Variants in ANXA4 observed in about 807,000 individuals in gnomAD.
ANXA4 encodes 35-beta calcimedin.
ANXA4 carries 39 observed loss-of-function variants against 49.8 expected under a neutral mutation model. That is an observed-to-expected ratio of 0.78 (90% confidence interval 0.61 to 1.02). ANXA4 has a LOEUF of 1.02. Among genes scored for constraint, ANXA4 ranks in the 50% least tolerant of loss-of-function variants. The pLI is 0.00. For missense variants in ANXA4, 360 were observed against 410.1 expected, an observed-to-expected ratio of 0.88 and a Z score of 1.05; for synonymous variants, 134 against 152.5, an observed-to-expected ratio of 0.88 and a Z score of 0.89.
chr2:69,678,770 C>T lies in ANXA4; in HGVS notation n.766+25488C>T, dbSNP rs750603331. On this transcript the variant is annotated intron_variant and non_coding_transcript_variant, in intron 2 of 3. Transcript: ENST00000418066. ...TAAGAATAATAAGACCTAATATTCA[C>T]GAGGCATTTATTTGTTAACCAAGTA... Among the ~76,000 whole-genome samples the T allele has an allele frequency of 3.9e-4, 60 of 152,062 alleles. 1 individual carries two copies. Among genetic ancestry groups the T allele is most frequent in the African/African-American group, 1.4e-3 (56 of 41,404 alleles).
intron 2 of ANXA4, among the ~76,000 whole-genome samples, chr2:69,710,411 C>A (rs1334442531): frequency 6.6e-6 from 1 of 152,044 alleles, no homozygotes; most frequent in Non-Finnish European, 1.5e-5. Context: ...TAAAATATCA[C>A]CTTGAATCAT....
At chr2:69,655,935 A>G (rs573396115) in intron 2 of ANXA4, among the ~76,000 whole-genome samples, 1 of 152,222 alleles carries the variant, frequency 6.6e-6, no homozygotes, top group Non-Finnish European at 1.5e-5. Flanking sequence ...ACAGAAAACC[A>G]AACACCACAT....
chr2:69,718,883 T>C (rs1396373669), intron 2 of ANXA4, among the ~76,000 whole-genome samples: 1 of 151,090 alleles, frequency 6.6e-6, no homozygotes. Context: ...CGCACATGCA[T>C]ACACACACAT....
At chr2:69,810,187 T>G (rs1168770469) in intron 6 of ANXA4, 2 of 179,552 alleles carry the variant, frequency 1.1e-5, no homozygotes, top group African/African-American at 4.7e-5. Context: ...GACAGAACCC[T>G]GTCTGTACTA....
chr2:69,676,616 C>T (rs570618226), intron 2 of ANXA4, among the ~76,000 whole-genome samples: 1 of 152,238 alleles, frequency 6.6e-6, no homozygotes, highest in South Asian at 2.1e-4. Flanking sequence ...CATCTCTGGC[C>T]GGGCACAGTG....
At chr2:69,798,829 A>T (rs906618461) in intron 3 of ANXA4, among the ~76,000 whole-genome samples, 1 of 152,216 alleles carries the variant, frequency 6.6e-6, no homozygotes, top group African/African-American at 2.4e-5. Context: ...CGAGCCCTCA[A>T]AATGAAGCAG....
intron 3 of ANXA4, among the ~76,000 whole-genome samples, chr2:69,799,556 G>T (rs957389547): frequency 3.3e-5 from 5 of 152,136 alleles, no homozygotes; most frequent in Non-Finnish European, 7.3e-5. Context: ...TTCTGCTGGG[G>T]ACTCACTTTA....
intron 1 of ANXA4, among the ~76,000 whole-genome samples, chr2:69,778,310 A>G (rs1672043793): frequency 6.6e-6 from 1 of 152,370 alleles, no homozygotes; most frequent in Non-Finnish European, 1.5e-5. Context: ...AGTTAAAAAT[A>G]TATTTTAAAA....
intron 1 of ANXA4, among the ~76,000 whole-genome samples, chr2:69,759,756 A>T (rs963807368): frequency 5.3e-5 from 8 of 152,296 alleles, no homozygotes; most frequent in African/African-American, 9.6e-5. Flanking sequence ...CCAAAAAATA[A>T]TTTTTTGGCG....
chr2:69,725,891 C>A (rs1669951310), intron 3 of ANXA4, among the ~76,000 whole-genome samples: 1 of 152,154 alleles, frequency 6.6e-6, no homozygotes, highest in South Asian at 2.1e-4. Flanking sequence ...GCACAAAATT[C>A]TGTAAAATAT....
chr2:69,711,731 T>C (rs780814472), intron 2 of ANXA4, among the ~76,000 whole-genome samples: 1 of 152,170 alleles, frequency 6.6e-6, no homozygotes, highest in Non-Finnish European at 1.5e-5. Context: ...TGGGTTTTGT[T>C]TGTTTGGGCA....
At chr2:69,685,495 G>C (rs1677755871) in intron 2 of ANXA4, among the ~76,000 whole-genome samples, 1 of 152,140 alleles carries the variant, frequency 6.6e-6, no homozygotes, top group South Asian at 2.1e-4. Context: ...TGAGTCCCAG[G>C]CTGTGTCTGT....
At chr2:69,718,810 CAT>C (rs927094739) in intron 2 of ANXA4, among the ~76,000 whole-genome samples, 7 of 150,860 alleles carry the variant, frequency 4.6e-5, no homozygotes, top group East Asian at 3.9e-4. Context: ...CATACACACA[CAT>C]GCTGCACACA....
chr2:69,684,998 T>C (rs1442234843), intron 2 of ANXA4, among the ~76,000 whole-genome samples: 4 of 150,334 alleles, frequency 2.7e-5, no homozygotes, highest in Non-Finnish European at 5.9e-5. Flanking sequence ...GAAAACATTG[T>C]TGTGGGATCA....
At chr2:69,652,360 T>C (rs186800388) in intron 1 of ANXA4, among the ~76,000 whole-genome samples, 26 of 152,350 alleles carry the variant, frequency 1.7e-4, no homozygotes, top group African/African-American at 6.3e-4. Flanking sequence ...AATCTTCTCA[T>C]AAACCTATGA....
At chr2:69,673,541 G>A (rs1218556814) in intron 2 of ANXA4, among the ~76,000 whole-genome samples, 1 of 151,866 alleles carries the variant, frequency 6.6e-6, no homozygotes, top group African/African-American at 2.4e-5. Context: ...AGCATTAGGA[G>A]AAATACCCAA....
chr2:69,819,449 T>C, intron 11 of ANXA4, 111 bp downstream of exon 11: 2 of 728,032 alleles, frequency 2.7e-6, no homozygotes, highest in South Asian at 3.5e-5. Context: ...TCCAATTCAA[T>C]TCATCAAATA....
intron 2 of ANXA4, among the ~76,000 whole-genome samples, chr2:69,659,180 A>G (rs1044527370): frequency 6.6e-6 from 1 of 152,208 alleles, no homozygotes; most frequent in Non-Finnish European, 1.5e-5. Flanking sequence ...ATATGTGTTC[A>G]TATATGTTTC....
At chr2:69,743,294 T>C (rs1176045534) in intron 1 of ANXA4, among the ~76,000 whole-genome samples, 1 of 152,186 alleles carries the variant, frequency 6.6e-6, no homozygotes, top group Admixed American at 6.5e-5. Flanking sequence ...CTCTGCTCAC[T>C]GCAACCTCCG....
Sources: gnomAD v4.1 joint callset for allele counts (sites outside exome capture counted in the v4.1 genomes callset) on GRCh38, gnomAD v4.1.1 for gene constraint, MANE v1.5 for transcripts, NCBI Gene and HGNC (gene_info 2026-07-23, HGNC 2026-07-21) for gene names.